PPP2R3A: variants seen among roughly 807,000 people sequenced by gnomAD.
The protein encoded by PPP2R3A is protein phosphatase 2 regulatory subunit B''alpha.
A neutral mutation model predicts 106.9 loss-of-function variants in PPP2R3A; 80 were observed. The observed-to-expected ratio is 0.75, with a 90% confidence interval of 0.62 to 0.90. The LOEUF is 0.90. Ranked by LOEUF, PPP2R3A falls within the 40% of genes least tolerant of loss-of-function variation. PPP2R3A has a pLI of 0.00. For missense variants in PPP2R3A, 1,386 were observed against 1,350.4 expected, an observed-to-expected ratio of 1.03 and a Z score of -0.41; for synonymous variants, 483 against 468.3, an observed-to-expected ratio of 1.03 and a Z score of -0.41.
chr3:136,140,381 A>G (rs1938807909), intron 13 of PPP2R3A, among the ~76,000 whole-genome samples: 1 of 148,114 alleles, frequency 6.8e-6, no homozygotes, highest in African/African-American at 2.5e-5. Context: ...CCTTGAGCCT[A>G]GGAGTTTGAG....
intron 3 of PPP2R3A, among the ~76,000 whole-genome samples, chr3:136,037,985 C>A (rs1355814648): frequency 6.6e-6 from 1 of 152,014 alleles, no homozygotes; most frequent in Non-Finnish European, 1.5e-5. Flanking sequence ...ACACTTCACA[C>A]TTCAACAAGA....
chr3:136,115,090 G>C (rs1452699579), intron 13 of PPP2R3A, among the ~76,000 whole-genome samples: 3 of 152,212 alleles, frequency 2.0e-5, no homozygotes, highest in Non-Finnish European at 4.4e-5. Flanking sequence ...AATCTTTGCT[G>C]TTCTGCAGCC....
At chr3:135,976,776 G>A (rs1298777116) in intron 1 of PPP2R3A, among the ~76,000 whole-genome samples, 1 of 152,022 alleles carries the variant, frequency 6.6e-6, no homozygotes, top group Non-Finnish European at 1.5e-5. Flanking sequence ...CTGCCCCAAA[G>A]ATACACATAA....
chr3:136,140,220 CATACT>C (rs2108034391), intron 13 of PPP2R3A, among the ~76,000 whole-genome samples: 1 of 152,168 alleles, frequency 6.6e-6, no homozygotes, highest in African/African-American at 2.4e-5. Flanking sequence ...AGTCAGTTAA[CATACT>C]TTGTTCTCCA....
At chr3:136,028,238 C>T (rs189926347) in intron 3 of PPP2R3A, among the ~76,000 whole-genome samples, 51 of 152,330 alleles carry the variant, frequency 3.3e-4, no homozygotes, top group Non-Finnish European at 5.9e-4. Context: ...TGAACCCTCA[C>T]TTGTCATGCC....
chr3:136,130,235 T>G (rs113292391), intron 13 of PPP2R3A, among the ~76,000 whole-genome samples: 5,031 of 152,266 alleles, frequency 0.033, 299 homozygotes, highest in African/African-American at 0.11. Flanking sequence ...TGTCCCTGTT[T>G]GCAGATGCCA....
intron 1 of PPP2R3A, among the ~76,000 whole-genome samples, chr3:135,971,201 G>C (rs1383395437): frequency 3.3e-5 from 5 of 152,148 alleles, no homozygotes; most frequent in Admixed American, 2.6e-4. Context: ...ATACTTTGAA[G>C]TATTTATCAT....
chr3:135,977,690 T>A (rs1431887158), intron 1 of PPP2R3A, among the ~76,000 whole-genome samples: 1 of 73,970 alleles, frequency 1.4e-5, no homozygotes, highest in Non-Finnish European at 2.4e-5. Context: ...TCAGCATTCT[T>A]TTTTTTTTTT....
At chr3:135,989,154 C>T (rs1229028094) in intron 1 of PPP2R3A, among the ~76,000 whole-genome samples, 3 of 152,072 alleles carry the variant, frequency 2.0e-5, no homozygotes, top group Non-Finnish European at 4.4e-5. Flanking sequence ...TGTTTTGTTG[C>T]AGTAGGAAAT....
chr3:136,131,448 C>G (rs1318438523), intron 13 of PPP2R3A, among the ~76,000 whole-genome samples: 2 of 152,186 alleles, frequency 1.3e-5, no homozygotes, highest in Non-Finnish European at 2.9e-5. Flanking sequence ...AAATGCAAAT[C>G]AAAACCACAA....
intron 13 of PPP2R3A, among the ~76,000 whole-genome samples, chr3:136,141,111 A>ACAAT (rs1234588383): frequency 6.6e-6 from 1 of 152,270 alleles, no homozygotes; most frequent in African/African-American, 2.4e-5. Flanking sequence ...CGGACACTTT[A>ACAAT]CAATCAAGTG....
intron 10 of PPP2R3A, among the ~76,000 whole-genome samples, chr3:136,094,157 G>C (rs1218127698): frequency 6.6e-6 from 1 of 152,136 alleles, no homozygotes; most frequent in Non-Finnish European, 1.5e-5. Flanking sequence ...GAGTTGTCCA[G>C]AATAGACAAA....
At position 136,003,051 on chromosome 3, in the gene PPP2R3A, C is replaced by A. The variant is rs201859100; in HGVS notation, c.1553C>A (p.Ser518Tyr). 6.8e-6 allele frequency: 11 copies of A among 1,612,418 alleles called. No homozygotes were observed. In the East Asian group the frequency reaches 2.0e-4, roughly 29 times the overall value. Residue 518 changes from serine to tyrosine, a missense_variant, in exon 2 of 14, where the codon TCT (serine) becomes TAT (tyrosine). Physicochemically the swap from Ser to Tyr is moderately radical, Grantham distance 144 (BLOSUM62 -2). Transcript: ENST00000264977. ...EIDKLLMDLE[S>Y]FSQKMETSLR... Reference sequence around the variant, plus strand: ...GATAAATTGTTAATGGATTTGGAATCTTTTTCACAGAAGATGGAGACCTCT... The same window carrying A: ...GATAAATTGTTAATGGATTTGGAATATTTTTCACAGAAGATGGAGACCTCT...
chr3:136,005,865 A>G (rs554470489), intron 2 of PPP2R3A, among the ~76,000 whole-genome samples: 3 of 152,296 alleles, frequency 2.0e-5, no homozygotes, highest in African/African-American at 7.2e-5. Flanking sequence ...CTGATGACCT[A>G]TTCCAATATC....
intron 2 of PPP2R3A, among the ~76,000 whole-genome samples, chr3:136,022,255 G>C (rs1934491104): frequency 6.6e-6 from 1 of 151,942 alleles, no homozygotes; most frequent in African/African-American, 2.4e-5. Flanking sequence ...ATGGCATTCA[G>C]TTGTTCTACT....
intron 2 of PPP2R3A, among the ~76,000 whole-genome samples, chr3:136,013,245 C>G (rs937250417): frequency 1.3e-5 from 2 of 151,236 alleles, no homozygotes; most frequent in Non-Finnish European, 2.9e-5. Context: ...TTTGTTTATC[C>G]ACTCATTGAT....
intron 13 of PPP2R3A, among the ~76,000 whole-genome samples, chr3:136,132,368 AAGGAATCTACATAAAAGATACC>A (rs1395113297): frequency 2.6e-5 from 4 of 152,148 alleles, no homozygotes; most frequent in Non-Finnish European, 5.9e-5. Flanking sequence ...ATTGAAAACT[AAGGAATCTACATAAAAGATACC>A]AGTGCTATTA....
chr3:136,081,583 A>G (rs147493081), intron 7 of PPP2R3A, among the ~76,000 whole-genome samples: 2 of 151,636 alleles, frequency 1.3e-5, no homozygotes, highest in African/African-American at 4.8e-5. Context: ...TTGTGCTTTT[A>G]TTTTTCTTTC....
intron 5 of PPP2R3A, among the ~76,000 whole-genome samples, chr3:136,068,022 C>T (rs570074756): frequency 5.9e-5 from 9 of 152,248 alleles, no homozygotes; most frequent in East Asian, 3.9e-4. Flanking sequence ...CCCAGGAGTT[C>T]GAGACCAGCC....
Sources: gnomAD v4.1 joint callset for allele counts (sites outside exome capture counted in the v4.1 genomes callset) on GRCh38, gnomAD v4.1.1 for gene constraint, MANE v1.5 for transcripts, NCBI Gene and HGNC (gene_info 2026-07-23, HGNC 2026-07-21) for gene names.